EYS: variants seen among roughly 807,000 people sequenced by gnomAD.
The protein encoded by EYS is protein eyes shut homolog.
Under a neutral mutation model 282.1 loss-of-function variants are expected in EYS, and 250 were observed. That is an observed-to-expected ratio of 0.89 (90% CI 0.80 to 0.98). EYS has a LOEUF of 0.98. Among genes scored for constraint, EYS ranks in the 50% least tolerant of loss-of-function variants. EYS has a pLI of 0.00. For synonymous variants in EYS, 1,355 were observed against 1,282.9 expected, an observed-to-expected ratio of 1.06 and a Z score of -1.20; for missense variants, 4,016 against 3,709.0, an observed-to-expected ratio of 1.08 and a Z score of -2.15.
At chr6:63,976,927 G>A (rs963102241) in intron 35 of EYS, among the ~76,000 whole-genome samples, 10 of 151,740 alleles carry the variant, frequency 6.6e-5, no homozygotes, top group African/African-American at 2.2e-4. Context: ...ATTTAGAATA[G>A]GAAAATAAAT....
chr6:64,258,760 A>G (rs1408151857), intron 30 of EYS, among the ~76,000 whole-genome samples: 1 of 151,314 alleles, frequency 6.6e-6, no homozygotes, highest in East Asian at 2.0e-4. Flanking sequence ...TATCGTTCCT[A>G]TTTACGAGTG....
intron 2 of EYS, among the ~76,000 whole-genome samples, chr6:65,542,473 ATGTGTGTGTGTG>A (rs35318949): frequency 8.9e-5 from 13 of 146,450 alleles, no homozygotes; most frequent in East Asian, 2.0e-4. Flanking sequence ...TAACAATAGA[ATGTGTGTGTGTG>A]TGTGTGTGTG....
chr6:65,051,343 T>C (rs184725644), intron 13 of EYS, among the ~76,000 whole-genome samples: 71 of 151,688 alleles, frequency 4.7e-4, no homozygotes, highest in Admixed American at 1.8e-3. Flanking sequence ...TTTCATTTTA[T>C]GAATTATAAA....
At chr6:65,471,387 C>A (rs1387939708) in intron 5 of EYS, among the ~76,000 whole-genome samples, 2 of 151,666 alleles carry the variant, frequency 1.3e-5, no homozygotes, top group African/African-American at 2.4e-5. Flanking sequence ...CAACGTGAGA[C>A]CCTGTTTTAA....
chr6:64,173,571 G>A lies in EYS; in HGVS notation c.6424+57021C>T, dbSNP rs1764543093. Among the ~76,000 whole-genome samples the A allele has an allele frequency of 2.0e-5, 3 of 152,010 alleles. 1 individual carries two copies. The South Asian group carries it at 6.2e-4, about 32-fold the overall frequency. On this transcript the variant is annotated intron_variant, in intron 31 of 42. Transcript: ENST00000503581. Reference sequence around the variant, plus strand: ...TTAGCTGTAGTTTAGAACTTTAAATGGTAAGGATGGATTTTTGTAAAGGCC... The same window carrying A: ...TTAGCTGTAGTTTAGAACTTTAAATAGTAAGGATGGATTTTTGTAAAGGCC...
Position 64,979,189 on chromosome 6 carries a change from C to T in EYS, c.2259+18393G>A, listed in dbSNP as rs149350815. The stretch of plus-strand genomic sequence containing the variant: ...AAAAACTGTATGACTCGCTTTATTG[C>T]TATATTCGCTTTATTGCAGTAGACT... On this transcript the variant is annotated intron_variant, in intron 14 of 42. Coordinates refer to ENST00000503581, the MANE Select transcript of EYS (RefSeq NM_001142800.2). Among the ~76,000 whole-genome samples the T allele has an allele frequency of 2.6e-5, 4 of 151,804 alleles. No homozygotes were observed. The East Asian group carries it at 7.8e-4, about 30-fold the overall frequency.
In EYS at chr6:64,882,025, C is replaced by T. The variant is rs114738780; in HGVS notation, c.2992+4672G>A. On this transcript the variant is annotated intron_variant, in intron 19 of 42. Coordinates refer to ENST00000503581, the MANE Select transcript of EYS (RefSeq NM_001142800.2). ...TTTTGATAAAAGAGAAATGGATTTG[C>T]GAGTTCTAAGTGATAAAGGCAATTT... Among the ~76,000 whole-genome samples, 525 of 151,698 alleles carry T rather than the reference C, an allele frequency of 3.5e-3. 2 individuals carry two copies. The highest frequency in any genetic ancestry group is 8.2e-3 in the Admixed American group (124 of 15,192).
chr6:64,148,332 ATTTT>A (rs199948544), intron 31 of EYS, among the ~76,000 whole-genome samples: 1 of 152,086 alleles, frequency 6.6e-6, no homozygotes, highest in Non-Finnish European at 1.5e-5. Flanking sequence ...TTGTTGACCT[ATTTT>A]TTAAGCAACT....
At chr6:65,631,099 C>T (rs1285007919) in intron 2 of EYS, among the ~76,000 whole-genome samples, 1 of 152,036 alleles carries the variant, frequency 6.6e-6, no homozygotes, top group African/African-American at 2.4e-5. Flanking sequence ...ACCTCTAATT[C>T]GCAGGAATAA....
rs1389220395 is a variant in EYS, at chr6:65,163,545, C to T, written c.2024-105818G>A. Among the ~76,000 whole-genome samples, 12 of 151,028 alleles carry T rather than the reference C, an allele frequency of 7.9e-5. No homozygotes were observed. The East Asian group carries it at 1.4e-3, about 17-fold the overall frequency. Reference sequence around the variant, plus strand: ...ACTAGATCAATGGTGAGGGGACGAGCGGGTGGGTAAAGAAGTGAGTGTAAA... The same window carrying T: ...ACTAGATCAATGGTGAGGGGACGAGTGGGTGGGTAAAGAAGTGAGTGTAAA... On this transcript the variant is annotated intron_variant, in intron 12 of 42. Coordinates refer to ENST00000503581, the MANE Select transcript of EYS (RefSeq NM_001142800.2).
At chr6:64,390,497 C>T (rs930808925) in intron 28 of EYS, among the ~76,000 whole-genome samples, 3 of 151,322 alleles carry the variant, frequency 2.0e-5, no homozygotes, top group Non-Finnish European at 2.9e-5. Flanking sequence ...CTGGGAGGCA[C>T]CCCCCAGCAG....
intron 29 of EYS, among the ~76,000 whole-genome samples, chr6:64,313,749 T>A (rs1189121166): frequency 6.6e-6 from 1 of 152,108 alleles, no homozygotes; most frequent in Non-Finnish European, 1.5e-5. Flanking sequence ...AGTCGAGAAT[T>A]TCATATCCAG....
intron 12 of EYS, among the ~76,000 whole-genome samples, chr6:65,142,254 A>G (rs1561987673): frequency 6.6e-6 from 1 of 152,034 alleles, no homozygotes; most frequent in Non-Finnish European, 1.5e-5. Flanking sequence ...AGTTTGAAGC[A>G]AAAGCTTAAA....
intron 36 of EYS, among the ~76,000 whole-genome samples, chr6:63,837,911 G>A (rs1448052514): frequency 6.6e-6 from 1 of 152,140 alleles, no homozygotes; most frequent in African/African-American, 2.4e-5. Flanking sequence ...GAGTTTATCA[G>A]TGAAGGCACA....
intron 35 of EYS, among the ~76,000 whole-genome samples, chr6:63,865,730 T>C (rs1404801285): frequency 6.6e-6 from 1 of 152,186 alleles, no homozygotes; most frequent in East Asian, 1.9e-4. Context: ...ATCCCCTTAC[T>C]CCAAAATTTG....
chr6:64,066,476 C>A lies in EYS; in HGVS notation c.6587G>T (p.Cys2196Phe), dbSNP rs1250580017. The A allele has an allele frequency of 6.5e-7, 1 of 1,536,748 alleles. No individual in the cohort carries two copies. The highest frequency in any genetic ancestry group is 2.0e-5 in the Admixed American group (1 of 50,828). Reference sequence around the variant, plus strand: ...AAATAAATGAAGAAACTGCTTTCCACAATTATTCCCATTACCTTTAAGAAA... The same window carrying A: ...AAATAAATGAAGAAACTGCTTTCCAAAATTATTCCCATTACCTTTAAGAAA... ...GTILYSNGNN[C>F]GKQFLHLFLV... Residue 2196 changes from cysteine to phenylalanine, a missense_variant, in exon 33 of 43, where the codon TGT (cysteine) becomes TTT (phenylalanine). Coordinates refer to ENST00000503581, the MANE Select transcript of EYS (RefSeq NM_001142800.2).
rs557926841 is a variant in EYS at position 64,073,888 on chromosome 6, G to A, written c.6572-7397C>T. Among the ~76,000 whole-genome samples the A allele has an allele frequency of 2.6e-5, 4 of 151,776 alleles. No homozygotes were observed. In the South Asian group the frequency reaches 8.3e-4, roughly 31 times the overall value. On this transcript the variant is annotated intron_variant, in intron 32 of 42. Coordinates refer to ENST00000503581, the MANE Select transcript of EYS (RefSeq NM_001142800.2). ...TGCTACCTTCAGGCAGGACTTGAAA[G>A]CTCTAGAAGAGTTTACCATTAAGTC...
chr6:63,794,964 G>A (rs1465286748), intron 37 of EYS, among the ~76,000 whole-genome samples: 3 of 152,190 alleles, frequency 2.0e-5, no homozygotes, highest in Non-Finnish European at 4.4e-5. Flanking sequence ...ATTATGTTGT[G>A]CAAGTAGTAA....
intron 29 of EYS, among the ~76,000 whole-genome samples, chr6:64,325,305 A>C (rs968449081): frequency 6.6e-6 from 1 of 152,190 alleles, no homozygotes; most frequent in African/African-American, 2.4e-5. Context: ...CTAGATCCAG[A>C]AGAGAGATAA....
Sources: gnomAD v4.1 joint callset for allele counts (sites outside exome capture counted in the v4.1 genomes callset) on GRCh38, gnomAD v4.1.1 for gene constraint, MANE v1.5 for transcripts, NCBI Gene and HGNC (gene_info 2026-07-23, HGNC 2026-07-21) for gene names.